Variants in PCDHGA1 observed in about 807,000 individuals in gnomAD.
The protein encoded by PCDHGA1 is protocadherin gamma subfamily A, 1, also known as protocadherin gamma-A1.
Under a neutral mutation model 58.0 loss-of-function variants are expected in PCDHGA1, and 32 were observed. That is an observed-to-expected ratio of 0.55 (90% CI 0.42 to 0.74). The LOEUF (loss-of-function observed/expected upper bound fraction) is 0.74. Ranked by LOEUF, PCDHGA1 falls within the 30% of genes least tolerant of loss-of-function variation. The pLI is 0.00. For synonymous variants in PCDHGA1, 498 were observed against 501.1 expected (o/e 0.99, Z 0.08); for missense variants, 1,205 against 1,182.3 (o/e 1.02, Z -0.28).
chr5:141,427,991 C>T (rs748924488), intron 1 of PCDHGA1: 1 of 1,599,024 alleles, frequency 6.3e-7, no homozygotes, highest in Non-Finnish European at 8.6e-7. Context: ...GGCCCGATGG[C>T]TCCGCACTCT....
At chr5:141,406,083 T>C (rs539696065) in intron 1 of PCDHGA1, among the ~76,000 whole-genome samples, 2 of 151,900 alleles carry the variant, frequency 1.3e-5, no homozygotes, top group South Asian at 4.2e-4. Flanking sequence ...TTTTTTTTTT[T>C]TTTTAAGAGA....
At chr5:141,361,458 C>G in intron 1 of PCDHGA1, 1 of 1,614,054 alleles carries the variant, frequency 6.2e-7, no homozygotes, top group Non-Finnish European at 8.5e-7. Flanking sequence ...TCACCCTGCA[C>G]ATCTCCGACG....
chr5:141,370,858 A>C (rs1028921774), intron 1 of PCDHGA1: 9 of 1,613,928 alleles, frequency 5.6e-6, no homozygotes, highest in Admixed American at 1.7e-5. Context: ...TTTGCCCTGG[A>C]ATCTGCGCAA....
At chr5:141,351,677 T>C (rs1295398348) in intron 1 of PCDHGA1, 1 of 1,613,958 alleles carries the variant, frequency 6.2e-7, no homozygotes. Flanking sequence ...AGTAAGCGCC[T>C]CCGACCCGGA....
intron 1 of PCDHGA1, among the ~76,000 whole-genome samples, chr5:141,347,081 T>G (rs2149742994): frequency 6.7e-6 from 1 of 149,908 alleles, no homozygotes; most frequent in South Asian, 2.1e-4. Context: ...CTCTCTCTCT[T>G]TCCTCCTTCC....
chr5:141,413,256 A>G (rs1255086187), intron 1 of PCDHGA1: 2 of 1,613,946 alleles, frequency 1.2e-6, no homozygotes, highest in Admixed American at 1.7e-5. Context: ...TCGGGATTCC[A>G]TGGGAGGCTG....
intron 1 of PCDHGA1, among the ~76,000 whole-genome samples, chr5:141,435,099 TA>T (rs892317840): frequency 2.0e-5 from 3 of 152,260 alleles, no homozygotes; most frequent in African/African-American, 7.2e-5. Context: ...TCTGTTTATC[TA>T]GGGGGGAGAA....
chr5:141,483,588 A>G (rs2099583207), intron 1 of PCDHGA1, among the ~76,000 whole-genome samples: 1 of 152,112 alleles, frequency 6.6e-6, no homozygotes, highest in African/African-American at 2.4e-5. Flanking sequence ...AACACCTAAT[A>G]GGTCAGGCTG....
chr5:141,414,263 A>G, intron 1 of PCDHGA1: 1 of 1,613,500 alleles, frequency 6.2e-7, no homozygotes, highest in Non-Finnish European at 8.5e-7. Flanking sequence ...GTGACTGAAG[A>G]TTCACCTCTG....
chr5:141,407,868 A>AAT (rs1474357780), intron 1 of PCDHGA1, among the ~76,000 whole-genome samples: 1 of 152,242 alleles, frequency 6.6e-6, no homozygotes, highest in Admixed American at 6.5e-5. Context: ...ATTTTCGAAG[A>AAT]ATATATACAT....
At position 141,421,672 on chromosome 5, in the gene PCDHGA1, C is replaced by T; in HGVS notation, c.2422-73135C>T. On this transcript the variant is annotated intron_variant, in intron 1 of 3. Coordinates refer to ENST00000517417, the MANE Select transcript of PCDHGA1 (RefSeq NM_018912.3). Reference sequence around the variant, plus strand: ...GATAAAAGTCAGTGAGCACGCAATTCCTGGGGCGCGATTTGCTCTTCCTAA... The same window carrying T: ...GATAAAAGTCAGTGAGCACGCAATTTCTGGGGCGCGATTTGCTCTTCCTAA... 4 of 1,613,862 alleles carry T rather than the reference C, an allele frequency of 2.5e-6. No individual in the cohort carries two copies. The highest frequency in any genetic ancestry group is 1.6e-4 in the Middle Eastern group (1 of 6,062).
chr5:141,420,286 A>C, intron 1 of PCDHGA1: 1 of 1,505,774 alleles, frequency 6.6e-7, no homozygotes, highest in Non-Finnish European at 8.9e-7. Flanking sequence ...TAAGTATTTA[A>C]AAATGTATTT....
In PCDHGA1 at chr5:141,431,514, C is replaced by T. The variant is rs760416874; in HGVS notation, c.2422-63293C>T. ...CAGCCCGAGTACCGCGCGAGCGTTC[C>T]GGAGAATCTGGCCTTGGGCACGCAG... On this transcript the variant is annotated intron_variant, in intron 1 of 3. Transcript: ENST00000517417. This position sits in a 1 kb window ranked among gnomAD's most constrained non-coding sequence, Gnocchi z 4.8. 3.1e-6 allele frequency: 5 copies of T among 1,614,012 alleles called. No homozygotes were observed. The highest frequency in any genetic ancestry group is 1.1e-5 in the South Asian group (1 of 91,082).
In PCDHGA1 at chr5:141,352,669, C is replaced by A. The variant is rs756977674; in HGVS notation, c.2421+19564C>A. The stretch of plus-strand genomic sequence containing the variant: ...CTTATGACCCTTCTTTGTCTTCGCA[C>A]GTGAGTTTCTGCAAATCTAGTTAAA... On this transcript the variant is annotated intron_variant, in intron 1 of 3. Transcript: ENST00000517417. 11 of 1,582,550 alleles carry A rather than the reference C, an allele frequency of 7.0e-6. No individual in the cohort carries two copies. The East Asian group carries it at 1.6e-4, about 23-fold the overall frequency.
intron 1 of PCDHGA1, among the ~76,000 whole-genome samples, chr5:141,472,980 C>CAAAAA (rs60579131): frequency 1.7e-4 from 15 of 86,092 alleles, no homozygotes; most frequent in East Asian, 4.1e-4. Context: ...GAGTGAAACT[C>CAAAAA]AAAAAAAAAA....
At chr5:141,366,416 G>T (rs767881897) in intron 1 of PCDHGA1, 1 of 1,614,118 alleles carries the variant, frequency 6.2e-7, no homozygotes, top group Non-Finnish European at 8.5e-7. Flanking sequence ...TCTTGTGGTG[G>T]CAGTGGCTGC....
intron 1 of PCDHGA1, chr5:141,366,959 G>A (rs780082329): frequency 3.9e-4 from 255 of 654,682 alleles, no homozygotes; most frequent in Non-Finnish European, 5.6e-4. Context: ...GTAGACTTAA[G>A]TGAAACAAAT....
chr5:141,380,638 T>G (rs1776626783), intron 1 of PCDHGA1, among the ~76,000 whole-genome samples: 1 of 152,254 alleles, frequency 6.6e-6, no homozygotes, highest in Non-Finnish European at 1.5e-5. Context: ...AAAATGTGAA[T>G]GCTAGAGACA....
At position 141,486,827 on chromosome 5, in the gene PCDHGA1, C is replaced by G. The variant is rs758132181; in HGVS notation, c.2422-7980C>G. 1.2e-6 allele frequency: 2 copies of G among 1,614,228 alleles called. No homozygotes were observed. Among genetic ancestry groups the G allele is most frequent in the Admixed American group, 1.7e-5 (1 of 60,034 alleles). On this transcript the variant is annotated intron_variant, in intron 1 of 3. Transcript: ENST00000517417. This position sits in a 1 kb window ranked among gnomAD's most constrained non-coding sequence, Gnocchi z 5.0. ...ACCCCTTAGCAGCACTGTAACAGTTCGTCTATTTGTGCTGGACCTCAATGA... is the reference window on the plus strand; with the variant it reads ...ACCCCTTAGCAGCACTGTAACAGTTGGTCTATTTGTGCTGGACCTCAATGA...
Sources: gnomAD v4.1 joint callset for allele counts (sites outside exome capture counted in the v4.1 genomes callset) on GRCh38, gnomAD v4.1.1 for gene constraint, Gnocchi (gnomAD v3.1) non-coding constraint, MANE v1.5 for transcripts, NCBI Gene and HGNC (gene_info 2026-07-23, HGNC 2026-07-21) for gene names.